TNRC6A: variants seen among roughly 807,000 people sequenced by gnomAD.
TNRC6A encodes trinucleotide repeat-containing gene 6A protein.
TNRC6A carries 44 observed loss-of-function variants against 221.2 expected under a neutral mutation model. The observed-to-expected ratio is 0.20, with a 90% confidence interval of 0.16 to 0.26. The LOEUF (loss-of-function observed/expected upper bound fraction) is 0.26, where lower values mean the gene tolerates loss of function less well. Among genes scored for constraint, TNRC6A ranks in the 10% least tolerant of loss-of-function variants. The pLI is 1.00. For missense variants in TNRC6A, 2,199 were observed against 2,404.4 expected (o/e 0.91, Z 1.79); for synonymous variants, 847 against 838.5 (o/e 1.01, Z -0.18).
intron 18 of TNRC6A, among the ~76,000 whole-genome samples, chr16:24,813,021 G>A (rs910891290): frequency 6.6e-6 from 1 of 151,436 alleles, no homozygotes; most frequent in Admixed American, 6.6e-5. Context: ...GATTACAGGC[G>A]AGCACTGCCA....
chr16:24,685,153 G>A (rs1055025912), intron 2 of TNRC6A, among the ~76,000 whole-genome samples: 34 of 152,228 alleles, frequency 2.2e-4, no homozygotes, highest in Middle Eastern at 3.4e-3. Flanking sequence ...CTAGAATTGC[G>A]TTTGTCTTCT....
rs768829980 is a variant in TNRC6A, at chr16:24,790,205, A to G, written c.1563A>G (p.Thr521=). The change falls in exon 6 of 25, where the codon ACA becomes ACG. Residue 521 remains threonine (T), a synonymous_variant. Coordinates refer to ENST00000395799, the MANE Select transcript of TNRC6A (RefSeq NM_014494.4). ...ESKSGGSYGT[T]WGAYGSNYSG... is the part of the protein sequence containing the mutation. ...AAAGTGGAGGCTCTTATGGTACTAC[A>G]TGGGGTGCCTATGGTTCTAATTACT... is the stretch of plus-strand genomic sequence containing the variant. 5 of 1,614,084 alleles carry G rather than the reference A, an allele frequency of 3.1e-6. No homozygotes were observed. The highest frequency in any genetic ancestry group is 2.2e-5 in the East Asian group (1 of 44,900).
chr16:24,755,411 C>T (rs1363833817), intron 3 of TNRC6A, among the ~76,000 whole-genome samples: 2 of 152,224 alleles, frequency 1.3e-5, no homozygotes, highest in African/African-American at 2.4e-5. Context: ...AGATAGCAGC[C>T]GCCAGCGCCA....
At chr16:24,710,085 C>T (rs543821343) in intron 2 of TNRC6A, among the ~76,000 whole-genome samples, 36 of 151,748 alleles carry the variant, frequency 2.4e-4, no homozygotes, top group Non-Finnish European at 4.3e-4. Context: ...ATTAGCCAGG[C>T]GCAGTGGCAC....
At chr16:24,793,380 A>G in intron 6 of TNRC6A, 93 bp from the exon 7 acceptor site, 1 of 935,292 alleles carries the variant, frequency 1.1e-6, no homozygotes, top group African/African-American at 1.7e-5. Flanking sequence ...GAAGTTCTTC[A>G]TCCTTGGTCC....
intron 2 of TNRC6A, among the ~76,000 whole-genome samples, chr16:24,702,147 G>C (rs1328761665): frequency 8.1e-6 from 1 of 123,856 alleles, no homozygotes; most frequent in Non-Finnish European, 1.7e-5. Flanking sequence ...CACATTTCGC[G>C]TGTAAACTCT....
chr16:24,649,018 C>T (rs906735293), intron 2 of TNRC6A, among the ~76,000 whole-genome samples: 7 of 151,998 alleles, frequency 4.6e-5, no homozygotes, highest in African/African-American at 1.4e-4. Flanking sequence ...CGGTGGCTCA[C>T]GGCTGTAATC....
chr16:24,722,823 C>T (rs373727910), intron 2 of TNRC6A, among the ~76,000 whole-genome samples: 5 of 152,044 alleles, frequency 3.3e-5, no homozygotes, highest in South Asian at 2.1e-4. Flanking sequence ...GGGTGTTCTA[C>T]GGTATGGCAG....
chr16:24,802,010 A>G (rs1019156725), intron 11 of TNRC6A, among the ~76,000 whole-genome samples: 1 of 152,218 alleles, frequency 6.6e-6, no homozygotes, highest in African/African-American at 2.4e-5. Flanking sequence ...CATTCAAGAG[A>G]GGGCTCTTAA....
At chr16:24,618,264 G>A (rs1900478326) in intron 1 of TNRC6A, among the ~76,000 whole-genome samples, 1 of 152,120 alleles carries the variant, frequency 6.6e-6, no homozygotes, top group African/African-American at 2.4e-5. Flanking sequence ...TCTGTTAGGA[G>A]TAATTACAGA....
intron 2 of TNRC6A, among the ~76,000 whole-genome samples, chr16:24,720,872 AAAAC>A (rs1019480516): frequency 2.0e-5 from 3 of 150,010 alleles, no homozygotes; most frequent in African/African-American, 5.0e-5. Context: ...CGTCTCTACT[AAAAC>A]AAACAAACAG....
At chr16:24,650,307 C>A (rs1902566669) in intron 2 of TNRC6A, among the ~76,000 whole-genome samples, 1 of 152,056 alleles carries the variant, frequency 6.6e-6, no homozygotes, top group Admixed American at 6.6e-5. Flanking sequence ...AGGTAACATG[C>A]AATTCATACT....
intron 3 of TNRC6A, among the ~76,000 whole-genome samples, chr16:24,755,772 T>A (rs1284137929): frequency 6.6e-6 from 1 of 152,186 alleles, no homozygotes; most frequent in Non-Finnish European, 1.5e-5. Flanking sequence ...GCAGTTGTGA[T>A]CATTGCTGGT....
At chr16:24,615,315 T>C (rs952308178) in intron 1 of TNRC6A, among the ~76,000 whole-genome samples, 2 of 152,046 alleles carry the variant, frequency 1.3e-5, no homozygotes, top group Non-Finnish European at 2.9e-5. Context: ...TGTCAACCAT[T>C]CCGTGCTGAG....
At chr16:24,704,954 C>T (rs775911716) in intron 2 of TNRC6A, among the ~76,000 whole-genome samples, 55 of 151,950 alleles carry the variant, frequency 3.6e-4, no homozygotes, top group Non-Finnish European at 6.6e-4. Context: ...GCATGGGCAA[C>T]ATAACGAGAC....
At chr16:24,730,480 C>T (rs542189967) in intron 2 of TNRC6A, among the ~76,000 whole-genome samples, 180 bp downstream of exon 2, 3 of 144,804 alleles carry the variant, frequency 2.1e-5, no homozygotes, top group African/African-American at 5.1e-5. Context: ...CGTAATTACG[C>T]GTGTGTTTCT....
At chr16:24,718,644 T>C (rs1184672618) in intron 2 of TNRC6A, among the ~76,000 whole-genome samples, 1 of 152,196 alleles carries the variant, frequency 6.6e-6, no homozygotes, top group East Asian at 1.9e-4. Context: ...TATAATTCTA[T>C]AGAATGTAGC....
At chr16:24,715,605 C>CTTTTTTTTT (rs58843836) in intron 2 of TNRC6A, among the ~76,000 whole-genome samples, 8 of 127,220 alleles carry the variant, frequency 6.3e-5, no homozygotes, top group African/African-American at 2.0e-4. Context: ...TGAGTAGTTT[C>CTTTTTTTTT]TTTTTTTTTT....
intron 1 of TNRC6A, among the ~76,000 whole-genome samples, chr16:24,625,436 A>AC (rs1041989928): frequency 2.0e-5 from 3 of 151,886 alleles, no homozygotes; most frequent in Non-Finnish European, 2.9e-5. Context: ...ACATGGTGAA[A>AC]CCCCGTCTCT....
Sources: gnomAD v4.1 joint callset for allele counts (sites outside exome capture counted in the v4.1 genomes callset) on GRCh38, gnomAD v4.1.1 for gene constraint, MANE v1.5 for transcripts, NCBI Gene and HGNC (gene_info 2026-07-23, HGNC 2026-07-21) for gene names.